DLGAP2: variants seen among roughly 807,000 people sequenced by gnomAD.
The protein encoded by DLGAP2 is disks large-associated protein 2.
DLGAP2 carries 26 observed loss-of-function variants against 100.3 expected under a neutral mutation model. That is an observed-to-expected ratio of 0.26 (90% CI 0.19 to 0.36). DLGAP2 has a LOEUF of 0.36. DLGAP2 is among the 10% of genes least tolerant of loss of function. The pLI is 1.00. For missense variants in DLGAP2, 1,858 were observed against 1,453.2 expected (o/e 1.28, Z -4.53); for synonymous variants, 886 against 630.1 (o/e 1.41, Z -6.08).
intron 3 of DLGAP2, among the ~76,000 whole-genome samples, chr8:1,347,328 C>T (rs529190864): frequency 6.6e-6 from 1 of 151,932 alleles, no homozygotes; most frequent in East Asian, 1.9e-4. Flanking sequence ...AGCTGCATTG[C>T]TCTCATGGTA....
chr8:1,318,282 A>T (rs1800813080), intron 3 of DLGAP2, among the ~76,000 whole-genome samples: 1 of 152,196 alleles, frequency 6.6e-6, no homozygotes, highest in South Asian at 2.1e-4. Flanking sequence ...ACATGAAATA[A>T]AAAGGTTGGT....
intron 2 of DLGAP2, chr8:1,250,640 A>G (rs1457037581): frequency 2.0e-5 from 3 of 152,144 alleles, no homozygotes; most frequent in Admixed American, 6.6e-5. Flanking sequence ...CTGTCTGTGC[A>G]TCTGACTTTC....
intron 2 of DLGAP2, among the ~76,000 whole-genome samples, chr8:1,191,594 C>T (rs949797157): frequency 4.6e-5 from 7 of 152,326 alleles, no homozygotes; most frequent in Admixed American, 3.9e-4. Context: ...TTACATAGAA[C>T]AAGACAGGCA....
intron 3 of DLGAP2, among the ~76,000 whole-genome samples, chr8:1,378,632 C>T (rs967492664): frequency 6.6e-6 from 1 of 152,232 alleles, no homozygotes; most frequent in Non-Finnish European, 1.5e-5. Flanking sequence ...CCTGCGCACA[C>T]CTGGCCTCAT....
intron 3 of DLGAP2, among the ~76,000 whole-genome samples, chr8:1,287,537 G>GTA (rs1391614911): frequency 0.23 from 23,653 of 102,006 alleles, 4,233 homozygotes; most frequent in African/African-American, 0.28. Flanking sequence ...CAGTGTGTGT[G>GTA]TGTGTGTATG....
intron 1 of DLGAP2, among the ~76,000 whole-genome samples, chr8:900,600 A>G (rs995764274): frequency 1.3e-5 from 2 of 152,208 alleles, no homozygotes; most frequent in African/African-American, 2.4e-5. Flanking sequence ...CCGGTTCAGC[A>G]CCCATGGATG....
At chr8:1,118,731 C>T (rs1795960908) in intron 2 of DLGAP2, among the ~76,000 whole-genome samples, 2 of 152,160 alleles carry the variant, frequency 1.3e-5, no homozygotes, top group African/African-American at 2.4e-5. Flanking sequence ...GATAAATATA[C>T]ATGTACTATG....
chr8:1,015,191 AGAC>A (rs572464882), intron 2 of DLGAP2, among the ~76,000 whole-genome samples: 189 of 4,786 alleles, frequency 0.039, 6 homozygotes, highest in East Asian at 0.1. Flanking sequence ...TGACCAGGAC[AGAC>A]GACGCCTCCA....
chr8:1,218,110 T>G (rs901604164), intron 2 of DLGAP2, among the ~76,000 whole-genome samples: 2 of 152,230 alleles, frequency 1.3e-5, no homozygotes, highest in African/African-American at 4.8e-5. Context: ...GTCCCACTTG[T>G]CAATTTTTGT....
intron 2 of DLGAP2, among the ~76,000 whole-genome samples, chr8:1,215,216 G>C (rs1420792026): frequency 6.6e-6 from 1 of 152,176 alleles, no homozygotes; most frequent in African/African-American, 2.4e-5. Context: ...TATCAAATTG[G>C]GAATGAAGAT....
In DLGAP2 at chr8:877,970, C is replaced by G. The variant is rs543106222; in HGVS notation, c.19-29942C>G. 3.9e-5 allele frequency among the ~76,000 whole-genome samples: 6 copies of G among 152,334 alleles called. No homozygotes were observed. The South Asian group carries it at 1.2e-3, about 32-fold the overall frequency. On this transcript the variant is annotated intron_variant, in intron 1 of 14. Coordinates refer to ENST00000637795, the MANE Select transcript of DLGAP2 (RefSeq NM_001346810.2). ...AGACTTGGTTCAAATCCCACAGGTA[C>G]TTGTCTCCCTGAATTTTCGTAGCTT...
At chr8:1,115,568 G>A (rs956767095) in intron 2 of DLGAP2, among the ~76,000 whole-genome samples, 3 of 152,212 alleles carry the variant, frequency 2.0e-5, no homozygotes, top group South Asian at 2.1e-4. Context: ...CACCATAGAT[G>A]CTGTAGAAAT....
At chr8:941,340 G>C (rs896487245) in intron 2 of DLGAP2, among the ~76,000 whole-genome samples, 3 of 152,074 alleles carry the variant, frequency 2.0e-5, no homozygotes, top group Non-Finnish European at 4.4e-5. Flanking sequence ...GGCAAGGTGA[G>C]ATGTACCAGG....
At chr8:1,163,035 C>T (rs1157312467) in intron 2 of DLGAP2, among the ~76,000 whole-genome samples, 1 of 152,060 alleles carries the variant, frequency 6.6e-6, no homozygotes, top group Non-Finnish European at 1.5e-5. Context: ...TGTAGGACTC[C>T]GAGGTGAGGC....
At chr8:817,683 C>T (rs1796507634) in intron 1 of DLGAP2, among the ~76,000 whole-genome samples, 1 of 152,206 alleles carries the variant, frequency 6.6e-6, no homozygotes, top group African/African-American at 2.4e-5. Flanking sequence ...TCTCCCCCTT[C>T]CCTTAGGTAT....
intron 1 of DLGAP2, among the ~76,000 whole-genome samples, chr8:840,032 C>T (rs199867644): frequency 4.2e-5 from 5 of 119,020 alleles, no homozygotes; most frequent in Admixed American, 8.6e-5. Context: ...TCTGCGAGCG[C>T]GTCCACACGG....
chr8:1,186,203 G>T (rs985343623), intron 2 of DLGAP2, among the ~76,000 whole-genome samples: 1 of 152,244 alleles, frequency 6.6e-6, no homozygotes, highest in African/African-American at 2.4e-5. Flanking sequence ...GTGGCACCGA[G>T]GGCAGCGCTG....
chr8:1,155,948 TG>T, intron 2 of DLGAP2, among the ~76,000 whole-genome samples: 1 of 152,144 alleles, frequency 6.6e-6, no homozygotes, highest in Non-Finnish European at 1.5e-5. Flanking sequence ...GGAGGCTGGG[TG>T]GGCGTCCCGT....
chr8:918,788 A>G (rs1216250820), intron 2 of DLGAP2, among the ~76,000 whole-genome samples: 1 of 152,254 alleles, frequency 6.6e-6, no homozygotes, highest in African/African-American at 2.4e-5. Flanking sequence ...GGGTAAGACA[A>G]ACTAGCTTGA....
Sources: gnomAD v4.1 joint callset for allele counts (sites outside exome capture counted in the v4.1 genomes callset) on GRCh38, gnomAD v4.1.1 for gene constraint, MANE v1.5 for transcripts, NCBI Gene and HGNC (gene_info 2026-07-23, HGNC 2026-07-21) for gene names.